TAF4B: variants seen among roughly 807,000 people sequenced by gnomAD.
TAF4B encodes the protein transcription initiation factor TFIID subunit 4B.
Under a neutral mutation model 86.4 loss-of-function variants are expected in TAF4B, and 38 were observed. That is an observed-to-expected ratio of 0.44 (90% CI 0.34 to 0.58). The LOEUF is 0.58. Ranked by LOEUF, TAF4B falls within the 20% of genes least tolerant of loss-of-function variation. TAF4B has a pLI of 0.02. For synonymous variants in TAF4B, 388 were observed against 391.2 expected, an observed-to-expected ratio of 0.99 and a Z score of 0.10; for missense variants, 988 against 1,027.6, an observed-to-expected ratio of 0.96 and a Z score of 0.53.
intron 1 of TAF4B, among the ~76,000 whole-genome samples, chr18:26,264,404 G>A (rs9945366): frequency 0.074 from 11,222 of 152,244 alleles, 1,291 homozygotes; most frequent in African/African-American, 0.25. Context: ...TCGTCTGGGC[G>A]ACAGAGCGAG....
chr18:26,247,311 G>A (rs2144488456), intron 1 of TAF4B, among the ~76,000 whole-genome samples: 1 of 152,282 alleles, frequency 6.6e-6, no homozygotes, highest in East Asian at 1.9e-4. Context: ...ATACAATGTT[G>A]CACAGCAGAA....
intron 1 of TAF4B, among the ~76,000 whole-genome samples, chr18:26,233,043 C>G (rs1369095592): frequency 6.6e-6 from 1 of 152,126 alleles, no homozygotes; most frequent in Non-Finnish European, 1.5e-5. Flanking sequence ...GTGCAGGTGC[C>G]TGTCTAGTTG....
intron 14 of TAF4B, among the ~76,000 whole-genome samples, chr18:26,381,455 G>A (rs1240061968): frequency 6.6e-6 from 1 of 151,820 alleles, no homozygotes; most frequent in Non-Finnish European, 1.5e-5. Flanking sequence ...GGCTGGGCGC[G>A]GTAGCTCACG....
chr18:26,309,558 G>A (rs1207814275), intron 9 of TAF4B, among the ~76,000 whole-genome samples: 1 of 151,946 alleles, frequency 6.6e-6, no homozygotes, highest in African/African-American at 2.4e-5. Flanking sequence ...AAAAAGATTT[G>A]TAAAAATAGA....
At chr18:26,270,491 A>C (rs1345766951) in intron 3 of TAF4B, among the ~76,000 whole-genome samples, 2 of 152,202 alleles carry the variant, frequency 1.3e-5, no homozygotes, top group Non-Finnish European at 2.9e-5. Context: ...TACTTTATTT[A>C]AAAAATAGAG....
chr18:26,285,220 TTG>T lies in TAF4B; in HGVS notation c.973-660_973-659del, dbSNP rs1407782622. On this transcript the variant is annotated intron_variant, in intron 6 of 14. Coordinates refer to ENST00000269142, the MANE Select transcript of TAF4B (RefSeq NM_005640.3). ...CTATTTCTTCCTTTCCTTTTTTTTT[TTG>T]TTTTTTTTTTTTTTGGAGATGGGGT... Among the ~76,000 whole-genome samples, 125 of 102,144 alleles carry T rather than the reference TTG, an allele frequency of 1.2e-3. 3 individuals carry two copies. Among genetic ancestry groups the T allele is most frequent in the African/African-American group, 3.2e-3 (58 of 18,310 alleles). The allele number at this position is 102,144 out of a possible 152,430, so 67.0% of individuals were successfully genotyped here. A position where few individuals can be genotyped will look rare whatever the true frequency, so the allele number is the denominator to read the frequency against.
intron 1 of TAF4B, among the ~76,000 whole-genome samples, chr18:26,256,967 A>G (rs1313853072): frequency 6.6e-6 from 1 of 152,186 alleles, no homozygotes; most frequent in Non-Finnish European, 1.5e-5. Context: ...CACCAACCTA[A>G]TATAATTTCA....
rs776894949 is a variant in TAF4B at position 26,274,911 on chromosome 18, AT to A, written c.760-17del. On this transcript the variant is annotated intron_variant, in intron 4 of 14. Coordinates refer to ENST00000269142, the MANE Select transcript of TAF4B (RefSeq NM_005640.3). The stretch of plus-strand genomic sequence containing the variant: ...CTCACTAACACTTGTGTTTGCTTAT[AT>A]TTACATTTTCATATTTAGACAATGC... 2.5e-6 allele frequency: 4 copies of A among 1,612,272 alleles called. No homozygotes were observed. Among genetic ancestry groups the A allele is most frequent in the Middle Eastern group, 1.7e-4 (1 of 6,050 alleles).
At chr18:26,388,016 T>A (rs1978478270) in intron 14 of TAF4B, among the ~76,000 whole-genome samples, 1 of 152,104 alleles carries the variant, frequency 6.6e-6, no homozygotes, top group South Asian at 2.1e-4. Context: ...GTGGAAGGAG[T>A]AATTAAAATT....
intron 9 of TAF4B, among the ~76,000 whole-genome samples, chr18:26,302,584 A>G (rs2144637174): frequency 6.6e-6 from 1 of 152,110 alleles, no homozygotes; most frequent in South Asian, 2.1e-4. Context: ...GCTGGTTTCA[A>G]ACTGGTGGCC....
At chr18:26,297,371 G>A (rs1005450775) in intron 9 of TAF4B, among the ~76,000 whole-genome samples, 8 of 152,134 alleles carry the variant, frequency 5.3e-5, no homozygotes, top group African/African-American at 1.9e-4. Context: ...AAGGTGGTAG[G>A]CAAAATAGTT....
At chr18:26,304,066 T>C (rs1390690132) in intron 9 of TAF4B, among the ~76,000 whole-genome samples, 1 of 151,952 alleles carries the variant, frequency 6.6e-6, no homozygotes, top group Non-Finnish European at 1.5e-5. Context: ...CTTAAAAAAA[T>C]CATATACCAA....
chr18:26,357,915 T>C, intron 14 of TAF4B, 121 bp downstream of exon 14: 1 of 602,462 alleles, frequency 1.7e-6, no homozygotes, highest in Admixed American at 3.8e-5. Flanking sequence ...CTTCTTAAAA[T>C]TCATCTTTGC....
At chr18:26,242,035 G>A (rs1004109547) in intron 1 of TAF4B, among the ~76,000 whole-genome samples, 2 of 152,180 alleles carry the variant, frequency 1.3e-5, no homozygotes, top group Admixed American at 6.5e-5. Flanking sequence ...TAAGTGCTAC[G>A]TGGTGCTGAG....
chr18:26,227,490 G>A (rs2055596056), intron 1 of TAF4B, among the ~76,000 whole-genome samples: 1 of 152,176 alleles, frequency 6.6e-6, no homozygotes, highest in Non-Finnish European at 1.5e-5. Flanking sequence ...ACAGTAAAAA[G>A]CTACATCAGC....
At chr18:26,284,202 ACTTTTCTTC>A (rs1367603103) in intron 6 of TAF4B, among the ~76,000 whole-genome samples, 2 of 152,314 alleles carry the variant, frequency 1.3e-5, no homozygotes, top group East Asian at 1.9e-4. Flanking sequence ...CTAACTTCAT[ACTTTTCTTC>A]TGCAGCTTCC....
intron 14 of TAF4B, among the ~76,000 whole-genome samples, chr18:26,388,300 A>G (rs1978496273): frequency 6.6e-6 from 1 of 152,206 alleles, no homozygotes; most frequent in African/African-American, 2.4e-5. Flanking sequence ...TATTCAGAAA[A>G]CTGTCTTAAT....
chr18:26,231,345 G>GTTTT (rs2055667015), intron 1 of TAF4B, among the ~76,000 whole-genome samples: 1 of 50,664 alleles, frequency 2.0e-5, no homozygotes, highest in African/African-American at 8.5e-5. Flanking sequence ...GCTGCTTGGG[G>GTTTT]TTTTTTTTTT....
chr18:26,389,928 C>T lies in TAF4B; in HGVS notation c.2505C>T (p.Ile835=), dbSNP rs562292005. The T allele has an allele frequency of 3.3e-5, 54 of 1,614,168 alleles. No homozygotes were observed. The East Asian group carries it at 1.1e-3, about 33-fold the overall frequency. The part of the protein sequence containing the change: ...KQLHRPRITR[I]CLRDLIFCME... The stretch of plus-strand genomic sequence containing the variant: ...TGCATCGTCCAAGAATCACGAGAAT[C>T]TGCCTCAGGGACTTGATATTTTGTA... The change falls in exon 15 of 15, where the codon ATC becomes ATT. Residue 835 remains isoleucine, a synonymous_variant. Coordinates refer to ENST00000269142, the MANE Select transcript of TAF4B (RefSeq NM_005640.3).
Sources: allele counts gnomAD v4.1 joint callset (sites outside exome capture counted in the v4.1 genomes callset), GRCh38; gene constraint gnomAD v4.1.1; transcripts MANE v1.5; gene names NCBI Gene and HGNC (gene_info 2026-07-23, HGNC 2026-07-21).